The following SLIT2 variants were observed in gnomAD, a reference collection of about 807,000 sequenced individuals.
SLIT2 encodes slit homolog 2 protein.
Under a neutral mutation model 185.7 loss-of-function variants are expected in SLIT2, and 41 were observed. That is an observed-to-expected ratio of 0.22 (90% CI 0.17 to 0.29). The LOEUF is 0.29. Ranked by LOEUF, SLIT2 falls within the 10% of genes least tolerant of loss-of-function variation. The pLI is 1.00. For synonymous variants in SLIT2, 693 were observed against 680.2 expected (o/e 1.02, Z -0.29); for missense variants, 1,571 against 1,909.0 (o/e 0.82, Z 3.30).
At chr4:20,596,701 A>C (rs1728008896) in intron 32 of SLIT2, 46 bp downstream of exon 32, 2 of 1,567,596 alleles carry the variant, frequency 1.3e-6, no homozygotes, top group South Asian at 2.3e-5. Context: ...CTTAAAATTC[A>C]GCTTCAGAGA....
chr4:20,535,866 G>A (rs76872375), intron 18 of SLIT2, among the ~76,000 whole-genome samples: 32,720 of 131,702 alleles, frequency 0.25, 3,898 homozygotes, highest in Admixed American at 0.31. Context: ...CCAAATATAC[G>A]TATGTTCTGA....
At chr4:20,314,177 C>T (rs1316648328) in intron 4 of SLIT2, among the ~76,000 whole-genome samples, 1 of 152,064 alleles carries the variant, frequency 6.6e-6, no homozygotes, top group Non-Finnish European at 1.5e-5. Context: ...TATTCCAGCT[C>T]TCTATTTTTT....
Position 20,470,484 on chromosome 4 carries a change from CTGTGTGTGTGTGTG to C in SLIT2, c.467+2697_467+2710del, listed in dbSNP as rs540814034. ...GAGTAAAACCATAGTGCAGTGGAGTCTGTGTGTGTGTGTGTGTGTGTGTGTGTGTGTGTGTGTGT... is the reference window on the plus strand; with the variant it reads ...GAGTAAAACCATAGTGCAGTGGAGTCTGTGTGTGTGTGTGTGTGTGTGTGT... On this transcript the variant is annotated intron_variant, in intron 5 of 36. Transcript: ENST00000504154. Among the ~76,000 whole-genome samples the C allele has an allele frequency of 5.6e-3, 728 of 129,278 alleles. 2 individuals carry two copies. The highest frequency in any genetic ancestry group is 6.7e-3 in the African/African-American group (223 of 33,050). 84.8% of individuals were successfully genotyped at this position (129,278 alleles called of 152,430 possible).
intron 3 of SLIT2, among the ~76,000 whole-genome samples, chr4:20,263,404 T>C (rs1465478069): frequency 6.6e-6 from 1 of 151,822 alleles, no homozygotes; most frequent in East Asian, 1.9e-4. Flanking sequence ...TGAATACAGA[T>C]GGACAGTTCT....
chr4:20,511,212 T>G (rs1352819043), intron 11 of SLIT2, 75 bp downstream of exon 11: 16 of 796,432 alleles, frequency 2.0e-5, no homozygotes, highest in Non-Finnish European at 3.0e-5. Context: ...AATTGGGGTT[T>G]AAAAAATGCT....
chr4:20,592,016 G>C (rs896940585), intron 30 of SLIT2, among the ~76,000 whole-genome samples: 1 of 152,138 alleles, frequency 6.6e-6, no homozygotes, highest in Non-Finnish European at 1.5e-5. Context: ...TTTCATAGCT[G>C]TATGTAGGTA....
At chr4:20,287,620 G>T (rs1306034869) in intron 4 of SLIT2, among the ~76,000 whole-genome samples, 1 of 152,160 alleles carries the variant, frequency 6.6e-6, no homozygotes, top group Non-Finnish European at 1.5e-5. Context: ...GGCTTGTTTG[G>T]AGGGTTTAAT....
At chr4:20,610,188 A>G (rs770134849) in intron 34 of SLIT2, 21 bp downstream of exon 34, 2 of 1,604,064 alleles carry the variant, frequency 1.2e-6, no homozygotes, top group Non-Finnish European at 8.5e-7. Context: ...TTCCAAATTC[A>G]GGTGGTCCTG....
intron 29 of SLIT2, among the ~76,000 whole-genome samples, chr4:20,573,462 C>A (rs1210131161): frequency 6.6e-6 from 1 of 152,124 alleles, no homozygotes; most frequent in Non-Finnish European, 1.5e-5. Flanking sequence ...CTCTGAAATG[C>A]AATTTATCTA....
chr4:20,341,033 T>C (rs901015635), intron 4 of SLIT2, among the ~76,000 whole-genome samples: 1 of 152,186 alleles, frequency 6.6e-6, no homozygotes, highest in Admixed American at 6.5e-5. Context: ...GAAGGTAAGA[T>C]GAACAAATAC....
rs1719844074 is a variant in SLIT2, at chr4:20,512,482, G to C, written c.1058+1345G>C. 2.0e-5 allele frequency among the ~76,000 whole-genome samples: 3 copies of C among 152,104 alleles called. No individual in the cohort carries two copies. In the South Asian group the frequency reaches 6.2e-4, roughly 32 times the overall value. Reference sequence around the variant, plus strand: ...ACTTTTGCTTCTTTTTGACTTGGAGGGTTTTGACTAGAAGAAGCACGAGAT... The same window carrying C: ...ACTTTTGCTTCTTTTTGACTTGGAGCGTTTTGACTAGAAGAAGCACGAGAT... On this transcript the variant is annotated intron_variant, in intron 11 of 36. Transcript: ENST00000504154.
At chr4:20,281,186 TCTTGATA>T (rs1024716690) in intron 4 of SLIT2, among the ~76,000 whole-genome samples, 18 of 152,202 alleles carry the variant, frequency 1.2e-4, no homozygotes, top group African/African-American at 3.9e-4. Context: ...TAAGTGGTGA[TCTTGATA>T]CTTGATAATC....
At position 20,426,880 on chromosome 4, in the gene SLIT2, C is replaced by T. The variant is rs547673144; in HGVS notation, c.396-40872C>T. ...TTCATTGTTTTTCCCAGAGAAATAA[C>T]AGTTACAGAGAGGCAGGTAAATTGC... On this transcript the variant is annotated intron_variant, in intron 4 of 36. Coordinates refer to ENST00000504154, the MANE Select transcript of SLIT2 (RefSeq NM_004787.4). Among the ~76,000 whole-genome samples the T allele has an allele frequency of 5.3e-4, 80 of 152,206 alleles. No individual in the cohort carries two copies. The South Asian group carries it at 0.014, about 28-fold the overall frequency.
chr4:20,289,536 G>A (rs1348681164), intron 4 of SLIT2, among the ~76,000 whole-genome samples: 2 of 152,172 alleles, frequency 1.3e-5, no homozygotes, highest in African/African-American at 4.8e-5. Flanking sequence ...CCATGAAGGT[G>A]TGTTTTCTTT....
intron 9 of SLIT2, among the ~76,000 whole-genome samples, chr4:20,499,197 G>T (rs1052538811): frequency 1.3e-5 from 2 of 152,120 alleles, no homozygotes; most frequent in East Asian, 1.9e-4. Flanking sequence ...AGAAATACTT[G>T]TTCATATCAT....
chr4:20,349,367 A>G (rs1721686445), intron 4 of SLIT2, among the ~76,000 whole-genome samples: 2 of 152,278 alleles, frequency 1.3e-5, no homozygotes, highest in Middle Eastern at 3.4e-3. Context: ...GTGCACAGCT[A>G]TTGGGCTGTA....
intron 4 of SLIT2, among the ~76,000 whole-genome samples, chr4:20,269,295 C>A (rs1339648766): frequency 6.6e-6 from 1 of 151,538 alleles, no homozygotes; most frequent in Non-Finnish European, 1.5e-5. Context: ...CTCAAGTAGT[C>A]GTGTTTATTA....
chr4:20,553,944 C>A lies in SLIT2; in HGVS notation c.2701C>A (p.Pro901Thr). The A allele has an allele frequency of 6.2e-7, 1 of 1,601,226 alleles. No homozygotes were observed. Among genetic ancestry groups the A allele is most frequent in the African/African-American group, 1.3e-5 (1 of 74,124 alleles). Residue 901 changes from proline (P) to threonine (T), a missense_variant, in exon 26 of 37, where the codon CCC (proline) becomes ACC (threonine). This residue lies in a region of SLIT2 where 1,202 missense variants were observed against 1,416.4 expected (regional missense o/e 0.85). Coordinates refer to ENST00000504154, the MANE Select transcript of SLIT2 (RefSeq NM_004787.4). ...GGCAGATAAACTTTTACTCACAACT[C>A]CCTCCAAAAAATTTACCTGTCAAGG... is the stretch of plus-strand genomic sequence containing the variant. The part of the protein sequence containing the change: ...EMADKLLLTT[P>T]SKKFTCQGPV...
chr4:20,366,929 C>G (rs1482522524), intron 4 of SLIT2, among the ~76,000 whole-genome samples: 2 of 151,964 alleles, frequency 1.3e-5, no homozygotes, highest in Admixed American at 6.6e-5. Context: ...TCCCAAATAG[C>G]TGGGACTACA....
Sources: gnomAD v4.1 joint callset for allele counts (sites outside exome capture counted in the v4.1 genomes callset) on GRCh38, gnomAD v4.1.1 for gene constraint, gnomAD v4.1.1 regional missense constraint, MANE v1.5 for transcripts, NCBI Gene and HGNC (gene_info 2026-07-23, HGNC 2026-07-21) for gene names.